ADD2: variants seen among roughly 807,000 people sequenced by gnomAD.
The protein encoded by ADD2 is adducin 2.
ADD2 carries 23 observed loss-of-function variants against 83.0 expected under a neutral mutation model. The ratio of observed to expected loss-of-function variants is 0.28; its 90% confidence interval spans 0.20 to 0.39. The LOEUF is 0.39. Ranked by LOEUF, ADD2 falls within the 10% of genes least tolerant of loss-of-function variation. The pLI is 1.00. For missense variants in ADD2, 758 were observed against 944.9 expected (o/e 0.80, Z 2.59); for synonymous variants, 375 against 375.4 (o/e 1.00, Z 0.01).
At position 70,768,180 on chromosome 2, in the gene ADD2, A is replaced by T; in HGVS notation, c.-448T>A. ...CGTCAGAATTAAAGCCATTTCCCGC[A>T]CGAGGCTGGGAGGAAATGAGAGCTC... On this transcript the variant is annotated 5_prime_UTR_variant, in exon 1 of 16. Transcript: ENST00000264436. 2 of 589,070 alleles carry T rather than the reference A, an allele frequency of 3.4e-6. No homozygotes were observed. The highest frequency in any genetic ancestry group is 6.0e-6 in the Non-Finnish European group (2 of 334,904). 36.5% of individuals were successfully genotyped at this position (589,070 alleles called of 1,614,324 possible).
chr2:70,714,998 T>C (rs1179824702), intron 1 of ADD2, among the ~76,000 whole-genome samples: 7 of 152,216 alleles, frequency 4.6e-5, no homozygotes, highest in Non-Finnish European at 1.5e-5. Context: ...CCCCCATTGC[T>C]GCTGAAATTC....
chr2:70,742,324 G>C (rs1307805713), intron 1 of ADD2, among the ~76,000 whole-genome samples: 22 of 152,136 alleles, frequency 1.4e-4, no homozygotes, highest in African/African-American at 3.9e-4. Context: ...TACATTACCA[G>C]AGAAAATATT....
At chr2:70,736,807 G>T (rs186980872) in intron 1 of ADD2, among the ~76,000 whole-genome samples, 1 of 150,164 alleles carries the variant, frequency 6.7e-6, no homozygotes, top group African/African-American at 2.5e-5. Context: ...ATGAATGCTC[G>T]AATAATATGA....
At chr2:70,757,654 A>G (rs1553384096) in intron 1 of ADD2, among the ~76,000 whole-genome samples, 1 of 152,234 alleles carries the variant, frequency 6.6e-6, no homozygotes, top group African/African-American at 2.4e-5. Flanking sequence ...GCCATCTGAC[A>G]TGAGGAAAGC....
Position 70,768,058 on chromosome 2 carries a change from C to A in ADD2, c.-326G>T. 7.4e-7 allele frequency: 1 copy of A among 1,343,762 alleles called. No individual in the cohort carries two copies. Among genetic ancestry groups the A allele is most frequent in the Non-Finnish European group, 1.0e-6 (1 of 1,001,870 alleles). 83.2% of individuals were successfully genotyped at this position (1,343,762 alleles called of 1,614,324 possible). A position where few individuals can be genotyped will look rare whatever the true frequency, so the allele number is the denominator to read the frequency against. ...TCAGAGCTGCTGGGAGATCCCCCAGCAGTGCAGCGGCTCCGCGGCGGCGGG... is the reference window on the plus strand; with the variant it reads ...TCAGAGCTGCTGGGAGATCCCCCAGAAGTGCAGCGGCTCCGCGGCGGCGGG... On this transcript the variant is annotated 5_prime_UTR_variant, in exon 1 of 16. Transcript: ENST00000264436.
Position 70,706,506 on chromosome 2 carries a change from A to G in ADD2, c.-34-64T>C. 1 of 1,406,188 alleles carries G rather than the reference A, an allele frequency of 7.1e-7. No individual in the cohort carries two copies. The highest frequency in any genetic ancestry group is 1.9e-4 in the Middle Eastern group (1 of 5,388). The allele number at this position is 1,406,188 out of a possible 1,614,324, so 87.1% of individuals were successfully genotyped here. ...CTCCCCATCGGGGTACACGTTTCTC[A>G]GAGCACAGGGCTAGGTTCAGTTGGA... On this transcript the variant is annotated intron_variant, in intron 2 of 15. Transcript: ENST00000264436. This position sits in a 1 kb window ranked among gnomAD's most constrained non-coding sequence, Gnocchi z 5.0.
At chr2:70,684,359 C>A (rs997793646) in intron 9 of ADD2, among the ~76,000 whole-genome samples, 1 of 152,170 alleles carries the variant, frequency 6.6e-6, no homozygotes, top group Non-Finnish European at 1.5e-5. Flanking sequence ...GCTATCCTCC[C>A]ACCTCAGCCT....
chr2:70,677,918 G>A (rs782169069), intron 11 of ADD2, 41 bp from the exon 12 acceptor site: 1 of 1,612,672 alleles, frequency 6.2e-7, no homozygotes, highest in South Asian at 1.1e-5. Context: ...TGAGGGAACA[G>A]GCCCATGAGT....
chr2:70,761,859 G>A (rs1675122710), intron 1 of ADD2, among the ~76,000 whole-genome samples: 1 of 151,336 alleles, frequency 6.6e-6, no homozygotes, highest in Admixed American at 6.6e-5. Flanking sequence ...TTTTAGTACA[G>A]ACGGGGTTTC....
chr2:70,675,657 G>A, intron 13 of ADD2: 10 of 985,412 alleles, frequency 1.0e-5, no homozygotes, highest in Non-Finnish European at 1.2e-5. Context: ...TGAAGCCAAA[G>A]GGAGGTGAGC....
intron 1 of ADD2, among the ~76,000 whole-genome samples, chr2:70,727,622 C>T (rs1051116205): frequency 1.1e-4 from 17 of 152,116 alleles, no homozygotes; most frequent in Admixed American, 5.2e-4. Flanking sequence ...TGGCCAGGCG[C>T]GGTGGCTCAT....
At chr2:70,698,906 C>T (rs542512053) in intron 4 of ADD2, among the ~76,000 whole-genome samples, 1 of 152,244 alleles carries the variant, frequency 6.6e-6, no homozygotes, top group South Asian at 2.1e-4. Flanking sequence ...CACTGATGCT[C>T]AAAACCCCAA....
intron 9 of ADD2, chr2:70,687,011 C>G (rs564208772): frequency 6.6e-6 from 1 of 152,380 alleles, no homozygotes; most frequent in Non-Finnish European, 1.5e-5. Flanking sequence ...AGAGGGCGGA[C>G]GGGACACCAA....
chr2:70,690,829 G>T lies in ADD2; in HGVS notation c.806C>A (p.Ala269Asp). ...YDFNGEMEQE[A>D]DRINLQKCLG... is the part of the protein sequence containing the mutation. Reference sequence around the variant, plus strand: ...GCACTTCTGCAGGTTGATCCGATCGGCTTCCTGCTCCATTTCCCCATTGAA... The same window carrying T: ...GCACTTCTGCAGGTTGATCCGATCGTCTTCCTGCTCCATTTCCCCATTGAA... Residue 269 changes from alanine to aspartate, a missense_variant, in exon 8 of 16, where the codon GCC (alanine) becomes GAC (aspartate). By Grantham distance (126) the Ala-to-Asp change is moderately radical (BLOSUM62 -2). This residue lies in a region of ADD2 where 394 missense variants were observed against 509.3 expected (regional missense o/e 0.77). Transcript: ENST00000264436. 6.2e-7 allele frequency: 1 copy of T among 1,614,136 alleles called. No individual in the cohort carries two copies. Among genetic ancestry groups the T allele is most frequent in the Non-Finnish European group, 8.5e-7 (1 of 1,180,036 alleles).
chr2:70,720,459 ATGT>A (rs1426494198), intron 1 of ADD2, among the ~76,000 whole-genome samples: 1 of 152,098 alleles, frequency 6.6e-6, no homozygotes, highest in Admixed American at 6.5e-5. Flanking sequence ...AATAGGAGAG[ATGT>A]TGTTCGACTG....
intron 2 of ADD2, chr2:70,711,064 G>C (rs1672153366): frequency 6.6e-6 from 1 of 152,134 alleles, no homozygotes; most frequent in Non-Finnish European, 1.5e-5. Flanking sequence ...GAAAAAGACT[G>C]AGAATGCCCA....
intron 4 of ADD2, among the ~76,000 whole-genome samples, chr2:70,701,510 T>C (rs1288347881): frequency 1.3e-5 from 2 of 152,096 alleles, no homozygotes; most frequent in East Asian, 3.9e-4. Context: ...TTCTAACAGA[T>C]GCAATGAGAA....
intron 1 of ADD2, among the ~76,000 whole-genome samples, chr2:70,752,099 C>T (rs868989821): frequency 8.5e-5 from 13 of 152,132 alleles, no homozygotes; most frequent in Admixed American, 4.6e-4. Flanking sequence ...AACACACACG[C>T]GCTTTGGACA....
chr2:70,666,904 C>T (rs1257121045), intron 15 of ADD2, among the ~76,000 whole-genome samples: 1 of 152,124 alleles, frequency 6.6e-6, no homozygotes, highest in Non-Finnish European at 1.5e-5. Flanking sequence ...CTTGGAGGAG[C>T]CAGGTTCCCA....
Sources: gnomAD v4.1 joint callset for allele counts (sites outside exome capture counted in the v4.1 genomes callset) on GRCh38, gnomAD v4.1.1 for gene constraint, gnomAD v4.1.1 regional missense constraint, Gnocchi (gnomAD v3.1) non-coding constraint, MANE v1.5 for transcripts, NCBI Gene and HGNC (gene_info 2026-07-23, HGNC 2026-07-21) for gene names.